The following ALPK3 variants were observed in gnomAD, a reference collection of about 807,000 sequenced individuals.
ALPK3 encodes alpha kinase 3, also known as alpha-protein kinase 3.
A neutral mutation model predicts 140.0 loss-of-function variants in ALPK3; 102 were observed. The observed-to-expected ratio is 0.73, with a 90% CI of 0.62 to 0.86. The LOEUF is 0.86. Among genes scored for constraint, ALPK3 ranks in the 40% least tolerant of loss-of-function variants. The pLI is 0.00. For synonymous variants in ALPK3, 938 were observed against 898.5 expected, an observed-to-expected ratio of 1.04 and a Z score of -0.79; for missense variants, 2,254 against 2,208.2, an observed-to-expected ratio of 1.02 and a Z score of -0.42.
chr15:84,851,084 C>A (rs1195715927), intron 5 of ALPK3, among the ~76,000 whole-genome samples: 1 of 152,054 alleles, frequency 6.6e-6, no homozygotes. Flanking sequence ...GAAATAAATA[C>A]CACACAGAAT....
Position 84,839,933 on chromosome 15 carries a change from C to G in ALPK3, c.654C>G (p.Pro218=), listed in dbSNP as rs145729582. The G allele has an allele frequency of 1.2e-5, 19 of 1,613,606 alleles. No homozygotes were observed. In the African/African-American group the frequency reaches 2.1e-4, roughly 18 times the overall value. Residue 218 remains proline, a synonymous_variant, in exon 5 of 14, where the codon CCC becomes CCG. Transcript: ENST00000258888. ...GEVDTLRKLS[P]DRFQRKRRLS... ...TCGACACTCTGCGCAAGCTCAGCCC[C>G]GACCGCTTCCAGCGAAAGCGGCGAT... is the stretch of plus-strand genomic sequence containing the variant.
At chr15:84,830,702 G>A (rs891253459) in intron 3 of ALPK3, among the ~76,000 whole-genome samples, 6 of 152,110 alleles carry the variant, frequency 3.9e-5, no homozygotes, top group Non-Finnish European at 8.8e-5. Flanking sequence ...TGTTGGTTTG[G>A]TTGGTTTGTT....
intron 5 of ALPK3, among the ~76,000 whole-genome samples, chr15:84,847,974 A>G (rs1230423175): frequency 1.3e-5 from 2 of 152,114 alleles, no homozygotes; most frequent in East Asian, 3.8e-4. Context: ...AGGCAAGAGA[A>G]TCACTTGAAC....
intron 5 of ALPK3, among the ~76,000 whole-genome samples, chr15:84,844,965 A>G (rs750424526): frequency 2.0e-5 from 3 of 152,218 alleles, no homozygotes; most frequent in Admixed American, 6.5e-5. Context: ...TTATTTCTGG[A>G]TAAGATGGAG....
At position 84,857,505 on chromosome 15, in the gene ALPK3, C is replaced by T. The variant is rs774800617; in HGVS notation, c.2767C>T (p.His923Tyr). Residue 923 changes from histidine (H) to tyrosine (Y), a missense_variant, in exon 6 of 14, where the codon CAC becomes TAC. Coordinates refer to ENST00000258888, the MANE Select transcript of ALPK3 (RefSeq NM_020778.5). ...GGGGCTGGGGACCCCCACTCAGAGT[C>T]ACCCACCAGAAACCATGGCCACCAG... ...HLGLGTPTQS[H>Y]PPETMATSSE... 6.2e-7 allele frequency: 1 copy of T among 1,600,538 alleles called. No individual in the cohort carries two copies. Among genetic ancestry groups the T allele is most frequent in the South Asian group, 1.1e-5 (1 of 88,872 alleles).
Position 84,840,407 on chromosome 15 carries a change from G to A in ALPK3, c.1128G>A (p.Arg376=). ...CCCAGCCCAGAGGCAGGGCTGCACG[G>A]GGGCCTGGGTCCTCTGGCACAGATA... ...VQTQPRGRAA[R]GPGSSGTDST... Residue 376 remains arginine (R), a synonymous_variant, in exon 5 of 14, where the codon CGG becomes CGA. Coordinates refer to ENST00000258888, the MANE Select transcript of ALPK3 (RefSeq NM_020778.5). The A allele has an allele frequency of 1.2e-6, 2 of 1,613,926 alleles. No homozygotes were observed. The highest frequency in any genetic ancestry group is 1.7e-6 in the Non-Finnish European group (2 of 1,179,898).
At chr15:84,864,782 T>G in intron 12 of ALPK3, 117 bp downstream of exon 12, 1 of 1,146,348 alleles carries the variant, frequency 8.7e-7, no homozygotes, top group South Asian at 1.6e-5. Context: ...TTTATTCTTT[T>G]TTGCTTTTCA....
chr15:84,867,442 C>A, intron 13 of ALPK3, 77 bp downstream of exon 13: 1 of 1,559,300 alleles, frequency 6.4e-7, no homozygotes. Flanking sequence ...TTCTGGTTCT[C>A]CATCCCTGAG....
intron 3 of ALPK3, among the ~76,000 whole-genome samples, chr15:84,828,993 T>G (rs1270171650): frequency 3.9e-5 from 6 of 152,254 alleles, no homozygotes; most frequent in African/African-American, 1.4e-4. Context: ...TAGAAAGTCC[T>G]TAATCCTTCT....
intron 5 of ALPK3, among the ~76,000 whole-genome samples, chr15:84,841,527 A>C (rs1395301791): frequency 2.0e-5 from 3 of 152,250 alleles, no homozygotes; most frequent in African/African-American, 7.2e-5. Context: ...TGTTGTAAGA[A>C]TCTGGTGCCC....
At chr15:84,824,759 G>A (rs1596145626) in intron 2 of ALPK3, among the ~76,000 whole-genome samples, 1 of 152,226 alleles carries the variant, frequency 6.6e-6, no homozygotes, top group Non-Finnish European at 1.5e-5. Context: ...CATATGATTA[G>A]TCTGTGATAT....
rs1032484949 is a variant in ALPK3 at position 84,840,183 on chromosome 15, C to A, written c.904C>A (p.Leu302Met). The change falls in exon 5 of 14, where the codon CTG becomes ATG. Residue 302 changes from leucine to methionine, a missense_variant. By Grantham distance (15) the Leu-to-Met change is conservative. Transcript: ENST00000258888. ...GACATACATCTGTGACGCCATGGAG[C>A]TGGGGCCTCAGAGAGCCCTCAAAGA... ...LLTYICDAME[L>M]GPQRALKEES... 4 of 1,613,654 alleles carry A rather than the reference C, an allele frequency of 2.5e-6. 1 individual carries two copies. Among genetic ancestry groups the A allele is most frequent in the East Asian group, 4.5e-5 (2 of 44,840 alleles).
chr15:84,818,816 C>T (rs1158290583), intron 1 of ALPK3, among the ~76,000 whole-genome samples: 1 of 152,210 alleles, frequency 6.6e-6, no homozygotes, highest in East Asian at 1.9e-4. Flanking sequence ...AGGCCCCTGG[C>T]TGCCAGGAAA....
At chr15:84,842,771 T>A (rs1216324616) in intron 5 of ALPK3, among the ~76,000 whole-genome samples, 2 of 152,202 alleles carry the variant, frequency 1.3e-5, no homozygotes, top group Non-Finnish European at 2.9e-5. Flanking sequence ...AAACCAGACT[T>A]TCTGGAACCT....
chr15:84,864,027 G>A (rs1963977808), intron 11 of ALPK3, among the ~76,000 whole-genome samples: 1 of 152,298 alleles, frequency 6.6e-6, no homozygotes, highest in African/African-American at 2.4e-5. Flanking sequence ...GTAGGAGTCA[G>A]CTATAAATGG....
In ALPK3 at chr15:84,860,084, C is replaced by T. The variant is rs991609136; in HGVS notation, c.4129+12C>T. The T allele has an allele frequency of 2.5e-6, 4 of 1,613,950 alleles. No individual in the cohort carries two copies. The highest frequency in any genetic ancestry group is 2.7e-5 in the African/African-American group (2 of 74,930). On this transcript the variant is annotated intron_variant, in intron 9 of 13. Transcript: ENST00000258888. ...AGAAGAAGGTGAAGGTATGGTTCCC[C>T]CCTGGGGAAGGCGGGGTGGTCCTAC...
intron 5 of ALPK3, among the ~76,000 whole-genome samples, chr15:84,845,427 C>T (rs1447977162): frequency 6.6e-6 from 1 of 151,930 alleles, no homozygotes; most frequent in African/African-American, 2.4e-5. Flanking sequence ...ATCACAGGCT[C>T]ATGTGTGAAA....
intron 2 of ALPK3, among the ~76,000 whole-genome samples, chr15:84,827,130 C>T (rs1963496061): frequency 6.6e-6 from 1 of 152,184 alleles, no homozygotes; most frequent in African/African-American, 2.4e-5. Flanking sequence ...TGTGTGTCTC[C>T]CTCATGCACC....
chr15:84,852,371 A>G (rs1963814985), intron 5 of ALPK3: 1 of 153,712 alleles, frequency 6.5e-6, no homozygotes. Flanking sequence ...GTGGGGTGGC[A>G]TGAGATTTTA....
Sources: allele counts gnomAD v4.1 joint callset (sites outside exome capture counted in the v4.1 genomes callset), GRCh38; gene constraint gnomAD v4.1.1; transcripts MANE v1.5; gene names NCBI Gene and HGNC (gene_info 2026-07-23, HGNC 2026-07-21).